NMNAT3: variants seen among roughly 807,000 people sequenced by gnomAD.
NMNAT3 encodes the protein nicotinamide nucleotide adenylyltransferase 3, also known as nicotinamide/nicotinic acid mononucleotide adenylyltransferase 3.
NMNAT3 carries 21 observed loss-of-function variants against 24.8 expected under a neutral mutation model. The ratio of observed to expected loss-of-function variants is 0.85; its 90% CI spans 0.60 to 1.22. The LOEUF (loss-of-function observed/expected upper bound fraction) is 1.22, where lower values mean the gene tolerates loss of function less well. NMNAT3 is among the 50% of genes most tolerant of loss of function. NMNAT3 has a pLI of 0.00. For missense variants in NMNAT3, 387 were observed against 436.6 expected (o/e 0.89, Z 1.01); for synonymous variants, 136 against 155.2 (o/e 0.88, Z 0.92).
chr3:139,617,203 C>T (rs549781493), intron 3 of NMNAT3, among the ~76,000 whole-genome samples: 9 of 152,224 alleles, frequency 5.9e-5, no homozygotes, highest in South Asian at 4.2e-4. Flanking sequence ...CATATGTCAC[C>T]TTGGTAATTT....
At chr3:139,585,074 G>A (rs1475635207) in intron 3 of NMNAT3, among the ~76,000 whole-genome samples, 1 of 151,948 alleles carries the variant, frequency 6.6e-6, no homozygotes. Context: ...ATGATGGAGA[G>A]TTCTGTTACA....
intron 1 of NMNAT3, among the ~76,000 whole-genome samples, chr3:139,644,771 G>A: frequency 6.6e-6 from 1 of 152,194 alleles, no homozygotes; most frequent in East Asian, 1.9e-4. Context: ...ACTTGACCCA[G>A]GAGTGAACAC....
At chr3:139,604,060 T>C (rs1419418413) in intron 3 of NMNAT3, among the ~76,000 whole-genome samples, 1 of 152,188 alleles carries the variant, frequency 6.6e-6, no homozygotes, top group African/African-American at 2.4e-5. Flanking sequence ...ATAAGACTTC[T>C]GATCCAAGGT....
intron 6 of NMNAT3, among the ~76,000 whole-genome samples, chr3:139,563,487 C>T (rs1408756166): frequency 6.6e-6 from 1 of 152,130 alleles, no homozygotes. Context: ...GGGACAATTT[C>T]TGCATGTCAG....
Position 139,561,192 on chromosome 3 carries a change from T to G in NMNAT3, c.859A>C (p.Lys287Gln). Residue 287 changes from lysine to glutamine, a missense_variant, in exon 7 of 7, where the codon AAG becomes CAG. Lys to Gln is a moderately conservative substitution (Grantham distance 53). Around this residue, in one of 3 missense-constraint regions of NMNAT3, gnomAD observed 323 missense variants for 345.2 expected, o/e 0.94. Coordinates refer to ENST00000643695, the MANE Select transcript of NMNAT3 (RefSeq NM_001320510.2). Reference sequence around the variant, plus strand: ...CTGATCTCATTCTGCACAGGCTCCTTGGCCAGGTGAATGTTGTGCTGGTGC... The same window carrying G: ...CTGATCTCATTCTGCACAGGCTCCTGGGCCAGGTGAATGTTGTGCTGGTGC... The G allele has an allele frequency of 6.2e-7, 1 of 1,614,192 alleles. No homozygotes were observed. The highest frequency in any genetic ancestry group is 8.5e-7 in the Non-Finnish European group (1 of 1,180,036).
intron 5 of NMNAT3, among the ~76,000 whole-genome samples, chr3:139,574,829 T>C (rs992424840): frequency 1.3e-5 from 2 of 152,164 alleles, no homozygotes; most frequent in Admixed American, 1.3e-4. Flanking sequence ...TGCCAAATGC[T>C]GGGGAAGTGG....
At chr3:139,667,918 G>A (rs2057635651) in intron 1 of NMNAT3, among the ~76,000 whole-genome samples, 1 of 152,194 alleles carries the variant, frequency 6.6e-6, no homozygotes, top group Non-Finnish European at 1.5e-5. Flanking sequence ...GCCTATAGGA[G>A]CCACATGAGA....
At chr3:139,610,666 A>G (rs746305994) in intron 3 of NMNAT3, among the ~76,000 whole-genome samples, 8 of 152,148 alleles carry the variant, frequency 5.3e-5, no homozygotes, top group Non-Finnish European at 1.0e-4. Context: ...TATAATATTT[A>G]CTCATGCTCT....
chr3:139,653,586 G>A lies in NMNAT3; in HGVS notation c.-140-15524C>T, dbSNP rs957241194. Reference sequence around the variant, plus strand: ...TGACTGCTAAGTGTAGTAGCCACGTGTTGGGGTCAGGAGGATGCCCGAGAG... The same window carrying A: ...TGACTGCTAAGTGTAGTAGCCACGTATTGGGGTCAGGAGGATGCCCGAGAG... On this transcript the variant is annotated intron_variant, in intron 1 of 6. Coordinates refer to ENST00000643695, the MANE Select transcript of NMNAT3 (RefSeq NM_001320510.2). Among the ~76,000 whole-genome samples the A allele has an allele frequency of 5.9e-5, 9 of 152,342 alleles. No homozygotes were observed. In the South Asian group the frequency reaches 1.9e-3, roughly 32 times the overall value.
chr3:139,633,365 A>G (rs1199462356), intron 2 of NMNAT3, among the ~76,000 whole-genome samples: 1 of 151,950 alleles, frequency 6.6e-6, no homozygotes, highest in East Asian at 1.9e-4. Context: ...TTTTTAGTAG[A>G]GACGGGGTTT....
chr3:139,662,423 G>A (rs199499568), intron 1 of NMNAT3, among the ~76,000 whole-genome samples: 2 of 152,180 alleles, frequency 1.3e-5, no homozygotes, highest in East Asian at 3.8e-4. Flanking sequence ...ATGAGACAGT[G>A]TCACAGAGTG....
At chr3:139,623,350 A>C (rs538359000) in intron 3 of NMNAT3, among the ~76,000 whole-genome samples, 1 of 152,320 alleles carries the variant, frequency 6.6e-6, no homozygotes, top group South Asian at 2.1e-4. Flanking sequence ...CAGGGGCAGA[A>C]ACATGCATGG....
chr3:139,667,085 T>A (rs2057606430), intron 1 of NMNAT3, among the ~76,000 whole-genome samples: 1 of 152,344 alleles, frequency 6.6e-6, no homozygotes, highest in Non-Finnish European at 1.5e-5. Flanking sequence ...CTCCTCAATA[T>A]GCTGATTTCC....
chr3:139,571,089 G>T (rs1384914264), intron 6 of NMNAT3: 2 of 152,880 alleles, frequency 1.3e-5, no homozygotes, highest in East Asian at 3.9e-4. Context: ...CTTGCAGTTT[G>T]ATCTCGGACT....
chr3:139,677,540 GT>G (rs747799940), intron 1 of NMNAT3, among the ~76,000 whole-genome samples, 164 bp downstream of exon 1: 1 of 152,208 alleles, frequency 6.6e-6, no homozygotes, highest in Non-Finnish European at 1.5e-5. Context: ...GCGCGGAGCT[GT>G]CCCCCCGGTT....
intron 3 of NMNAT3, among the ~76,000 whole-genome samples, chr3:139,616,638 C>G (rs1477564553): frequency 6.6e-6 from 1 of 152,164 alleles, no homozygotes; most frequent in Non-Finnish European, 1.5e-5. Flanking sequence ...CACATTCAAT[C>G]CATTACCAGG....
At chr3:139,617,320 C>T (rs776867972) in intron 3 of NMNAT3, among the ~76,000 whole-genome samples, 9 of 152,120 alleles carry the variant, frequency 5.9e-5, no homozygotes, top group Non-Finnish European at 1.0e-4. Flanking sequence ...CAGGTGGACA[C>T]GCAATAAAAG....
At chr3:139,608,076 G>A (rs896146324) in intron 3 of NMNAT3, among the ~76,000 whole-genome samples, 12 of 152,100 alleles carry the variant, frequency 7.9e-5, no homozygotes, top group African/African-American at 2.9e-4. Context: ...TCTCTTTATG[G>A]TCTGTTTAGC....
intron 3 of NMNAT3, among the ~76,000 whole-genome samples, chr3:139,618,279 C>T (rs999913746): frequency 6.6e-6 from 1 of 152,184 alleles, no homozygotes; most frequent in African/African-American, 2.4e-5. Flanking sequence ...AATCTACAGA[C>T]GTAAGTTCCT....
Sources: gnomAD v4.1 joint callset for allele counts (sites outside exome capture counted in the v4.1 genomes callset) on GRCh38, gnomAD v4.1.1 for gene constraint, gnomAD v4.1.1 regional missense constraint, MANE v1.5 for transcripts, NCBI Gene and HGNC (gene_info 2026-07-23, HGNC 2026-07-21) for gene names.